CASP8: variants seen among roughly 807,000 people sequenced by gnomAD.
CASP8 encodes the protein caspase-8.
In CASP8, 24 loss-of-function variants were observed where a neutral mutation model predicts 46.3. The observed-to-expected ratio is 0.52, with a 90% CI of 0.38 to 0.73. The LOEUF (loss-of-function observed/expected upper bound fraction) is 0.73, where lower values mean the gene tolerates loss of function less well. Ranked by LOEUF, CASP8 falls within the 30% of genes least tolerant of loss-of-function variation. The pLI, the probability that CASP8 is intolerant of heterozygous loss-of-function variation, is 0.00. For synonymous variants in CASP8, 188 were observed against 200.4 expected (o/e 0.94, Z 0.52); for missense variants, 460 against 559.0 (o/e 0.82, Z 1.79).
At chr2:201,284,458 G>A (rs1344048715) in intron 7 of CASP8, among the ~76,000 whole-genome samples, 3 of 63,290 alleles carry the variant, frequency 4.7e-5, no homozygotes, top group African/African-American at 1.7e-4. Context: ...CGGATCACTC[G>A]CGGTTAGGAG....
chr2:201,248,276 G>A (rs1946626072), intron 2 of CASP8, among the ~76,000 whole-genome samples: 2 of 152,156 alleles, frequency 1.3e-5, no homozygotes, highest in Admixed American at 6.5e-5. Flanking sequence ...ATCGAGTGCA[G>A]GGGTCCTTGA....
At chr2:201,258,085 T>A (rs1947112549), upstream of CASP8, 3 of 846,386 alleles carry the variant, frequency 3.5e-6, no homozygotes, top group East Asian at 7.3e-5. Flanking sequence ...CAGTTCCTTC[T>A]GTGGTGAAGT....
At position 201,285,202 on chromosome 2, in the gene CASP8, G is replaced by C. The variant is rs1949499267; in HGVS notation, c.1189G>C (p.Ala397Pro). 1 of 1,614,206 alleles carries C rather than the reference G, an allele frequency of 6.2e-7. No homozygotes were observed. The highest frequency in any genetic ancestry group is 8.5e-7 in the Non-Finnish European group (1 of 1,180,042). The change falls in exon 8 of 9, where the codon GCT becomes CCT. Residue 397 changes from alanine to proline, a missense_variant. By Grantham distance (27) the Ala-to-Pro change is conservative. Transcript: ENST00000673742. ...TCAAACGAGATATATCCCGGATGAG[G>C]CTGACTTTCTGCTGGGGATGGCCAC... ...SPQTRYIPDEADFLLGMATVN... is the reference protein window; with the variant it reads ...SPQTRYIPDEPDFLLGMATVN...
chr2:201,274,886 C>T lies in CASP8; in HGVS notation c.596-3C>T, dbSNP rs2125291646. The T allele has an allele frequency of 6.2e-7, 1 of 1,610,176 alleles. No individual in the cohort carries two copies. The highest frequency in any genetic ancestry group is 8.5e-7 in the Non-Finnish European group (1 of 1,176,542). ...TCTAGATGTGTCTCTTCGTTGTTTG[C>T]AGGGGAGGAGTTGTGTGGGGTAATG... On this transcript the variant is annotated splice_polypyrimidine_tract_variant and splice_region_variant and intron_variant, in intron 5 of 8. Transcript: ENST00000673742.
chr2:201,282,850 G>A (rs1250039352), intron 7 of CASP8, among the ~76,000 whole-genome samples: 2 of 76,806 alleles, frequency 2.6e-5, no homozygotes, highest in Admixed American at 1.1e-4. Flanking sequence ...CGGACGGGGC[G>A]GCTGGCCGGG....
intron 2 of CASP8, among the ~76,000 whole-genome samples, chr2:201,238,733 G>A (rs1298078218): frequency 6.6e-6 from 1 of 152,130 alleles, no homozygotes; most frequent in Non-Finnish European, 1.5e-5. Flanking sequence ...GTGAGCCACT[G>A]CACCCAGTCT....
At chr2:201,275,409 T>G (rs1273370460) in intron 6 of CASP8, among the ~76,000 whole-genome samples, 2 of 152,216 alleles carry the variant, frequency 1.3e-5, no homozygotes, top group Non-Finnish European at 2.9e-5. Flanking sequence ...TGTTTTTGTC[T>G]CAGTGAACCA....
Position 201,244,730 on chromosome 2 carries a change from T to C in CASP8, c.-27+10618T>C, listed in dbSNP as rs544392496. 2.9e-3 allele frequency among the ~76,000 whole-genome samples: 446 copies of C among 152,312 alleles called. 3 individuals are homozygous for C. The highest frequency in any genetic ancestry group is 0.01 in the African/African-American group (418 of 41,562). Reference sequence around the variant, plus strand: ...TGCTCAGCACCAAAGGGATAACTGATGAAGAGGGTTACTGTCTCTCATGCT... The same window carrying C: ...TGCTCAGCACCAAAGGGATAACTGACGAAGAGGGTTACTGTCTCTCATGCT... On this transcript the variant is annotated intron_variant, in intron 2 of 6. Coordinates refer to the CASP8 transcript ENST00000264274.
intron 2 of CASP8, among the ~76,000 whole-genome samples, chr2:201,249,274 T>C (rs569923732): frequency 4.4e-4 from 67 of 152,392 alleles, no homozygotes; most frequent in African/African-American, 1.2e-3. Flanking sequence ...GCTCATTTTA[T>C]TTTTATATGG....
Position 201,272,641 on chromosome 2 carries a change from C to G in CASP8, c.415C>G (p.Leu139Val), listed in dbSNP as rs1948345294. Residue 139 changes from leucine to valine, a missense_variant, in exon 4 of 9, where the codon CTG (leucine) becomes GTG (valine). Leu to Val is a conservative substitution (Grantham distance 32, BLOSUM62 1). Transcript: ENST00000673742. The surrounding 1 kb of genome is among the most constrained non-coding windows in gnomAD (Gnocchi z 4.4). ...ACTTTATTTCTCCTCCTCTTAGAAC[C>G]TGCTGGATATTTTCATAGAGATGGA... ...SKCKLDDDMN[L>V]LDIFIEMEKR... is the part of the protein sequence containing the mutation. The G allele has an allele frequency of 6.2e-7, 1 of 1,614,030 alleles. No homozygotes were observed.
intron 7 of CASP8, chr2:201,281,971 G>A: frequency 2.2e-6 from 1 of 461,888 alleles, no homozygotes; most frequent in East Asian, 9.1e-5. Context: ...TCATTCTTGG[G>A]TGTTTCTCGC....
At chr2:201,268,956 T>TGTGAGA (rs1553602753) in intron 2 of CASP8, among the ~76,000 whole-genome samples, 1 of 133,266 alleles carries the variant, frequency 7.5e-6, no homozygotes, top group Non-Finnish European at 1.7e-5. Context: ...TGTGTGTGTG[T>TGTGAGA]GAGACAGTGT....
At chr2:201,284,300 C>T (rs1949391950) in intron 7 of CASP8, among the ~76,000 whole-genome samples, 1 of 65,906 alleles carries the variant, frequency 1.5e-5, no homozygotes, top group Non-Finnish European at 3.3e-5. Flanking sequence ...AGGCTGCAAT[C>T]TCGGCTCTTT....
intron 2 of CASP8, among the ~76,000 whole-genome samples, chr2:201,247,848 T>A (rs147538031): frequency 6.6e-6 from 1 of 152,108 alleles, no homozygotes; most frequent in African/African-American, 2.4e-5. Flanking sequence ...GTTTCACTGT[T>A]TTAGCCAGGA....
chr2:201,276,654 A>G (rs868598940), intron 6 of CASP8, among the ~76,000 whole-genome samples, 173 bp from the exon 7 acceptor site: 1 of 152,204 alleles, frequency 6.6e-6, no homozygotes, highest in African/African-American at 2.4e-5. Flanking sequence ...GATGGGGCAG[A>G]AGTCTGAGAG....
intron 2 of CASP8, among the ~76,000 whole-genome samples, chr2:201,248,578 A>G (rs1179563914): frequency 6.6e-6 from 1 of 152,226 alleles, no homozygotes; most frequent in Non-Finnish European, 1.5e-5. Context: ...AGGAGACACC[A>G]TTGTGTAATT....
upstream of CASP8, chr2:201,258,231 C>T (rs1291673087): frequency 4.4e-6 from 7 of 1,607,266 alleles, no homozygotes; most frequent in Admixed American, 1.7e-5. Context: ...GAAGTGAGGC[C>T]ATGGAGGGAG....
In CASP8 at chr2:201,272,804, G is replaced by T. The variant is rs746700673; in HGVS notation, c.550+28G>T. ...AGAAACAACCTGACAGCCGGGAATC[G>T]GCAAAACCTACTCTAAAATTGAAAC... On this transcript the variant is annotated intron_variant, in intron 4 of 8. Transcript: ENST00000673742. The surrounding 1 kb of genome is among the most constrained non-coding windows in gnomAD (Gnocchi z 4.4). 4 of 1,613,990 alleles carry T rather than the reference G, an allele frequency of 2.5e-6. No individual in the cohort carries two copies. The highest frequency in any genetic ancestry group is 4.5e-5 in the East Asian group (2 of 44,888).
At chr2:201,237,306 G>T (rs564909004) in intron 2 of CASP8, among the ~76,000 whole-genome samples, 1 of 151,308 alleles carries the variant, frequency 6.6e-6, no homozygotes, top group Non-Finnish European at 1.5e-5. Flanking sequence ...AGCCAGGCTG[G>T]TCTCAAACTT....
Sources: gnomAD v4.1 joint callset for allele counts (sites outside exome capture counted in the v4.1 genomes callset) on GRCh38, gnomAD v4.1.1 for gene constraint, Gnocchi (gnomAD v3.1) non-coding constraint, MANE v1.5 for transcripts, NCBI Gene and HGNC (gene_info 2026-07-23, HGNC 2026-07-21) for gene names.